Variants in MTFR1 observed in about 807,000 individuals in gnomAD.
MTFR1 encodes chondrocyte protein with a poly-proline region.
Under a neutral mutation model 38.8 loss-of-function variants are expected in MTFR1, and 28 were observed. The ratio of observed to expected loss-of-function variants is 0.72; its 90% CI spans 0.53 to 0.99. The LOEUF is 0.99. MTFR1 is among the 50% of genes least tolerant of loss of function. The pLI, the probability that MTFR1 is intolerant of heterozygous loss-of-function variation, is 0.00. For missense variants in MTFR1, 358 were observed against 395.5 expected (o/e 0.91, Z 0.81); for synonymous variants, 145 against 137.0 (o/e 1.06, Z -0.41).
intron 3 of MTFR1, among the ~76,000 whole-genome samples, chr8:65,753,944 ATCTCTTT>A (rs1379042039): frequency 6.6e-6 from 1 of 151,834 alleles, no homozygotes; most frequent in African/African-American, 2.4e-5. Context: ...GTCACCCCAG[ATCTCTTT>A]TGGTTATTAT....
intron 4 of MTFR1, among the ~76,000 whole-genome samples, chr8:65,695,500 G>A (rs1266292333): frequency 2.0e-5 from 3 of 152,118 alleles, no homozygotes; most frequent in Non-Finnish European, 4.4e-5. Context: ...GGGATTCCAG[G>A]TGGCTGCCAT....
chr8:65,726,543 A>C (rs1212201163), intron 3 of MTFR1, among the ~76,000 whole-genome samples: 1 of 152,128 alleles, frequency 6.6e-6, no homozygotes, highest in Non-Finnish European at 1.5e-5. Context: ...CCTAGACCTT[A>C]AGGTTTTATT....
intron 3 of MTFR1, among the ~76,000 whole-genome samples, chr8:65,756,499 A>T (rs931280255): frequency 1.3e-5 from 2 of 151,754 alleles, no homozygotes; most frequent in African/African-American, 4.8e-5. Context: ...AAGTTTGCTG[A>T]TCCTTACTTC....
At chr8:65,680,440 C>T (rs774858194) in intron 2 of MTFR1, among the ~76,000 whole-genome samples, 7 of 152,182 alleles carry the variant, frequency 4.6e-5, no homozygotes, top group Non-Finnish European at 2.9e-5. Context: ...ACTGAGATTA[C>T]AGATGTTAGC....
chr8:65,689,167 C>T (rs1249576062), intron 3 of MTFR1, among the ~76,000 whole-genome samples: 1 of 151,992 alleles, frequency 6.6e-6, no homozygotes, highest in Non-Finnish European at 1.5e-5. Context: ...ACAAAGAATC[C>T]GTGTATGTTA....
At chr8:65,764,824 AT>A (rs1176459883) in intron 3 of MTFR1, among the ~76,000 whole-genome samples, 5 of 152,254 alleles carry the variant, frequency 3.3e-5, no homozygotes, top group Admixed American at 3.3e-4. Flanking sequence ...ACTAAGCGAA[AT>A]TTAGGGAAAA....
chr8:65,648,670 A>T (rs1809035045), intron 1 of MTFR1, among the ~76,000 whole-genome samples: 1 of 152,232 alleles, frequency 6.6e-6, no homozygotes, highest in Non-Finnish European at 1.5e-5. Flanking sequence ...TAATTTGTAC[A>T]ACTGGAGTTG....
At chr8:65,730,714 A>G (rs1302373148) in intron 3 of MTFR1, among the ~76,000 whole-genome samples, 1 of 151,930 alleles carries the variant, frequency 6.6e-6, no homozygotes, top group Admixed American at 6.6e-5. Context: ...GATCACTTGA[A>G]GTCAGGAGTT....
At chr8:65,761,442 A>G (rs1808489781) in intron 3 of MTFR1, among the ~76,000 whole-genome samples, 1 of 152,096 alleles carries the variant, frequency 6.6e-6, no homozygotes, top group Non-Finnish European at 1.5e-5. Context: ...AACAGATTAA[A>G]CTTGCCTTTA....
chr8:65,705,411 A>G (rs1177336787), intron 5 of MTFR1, among the ~76,000 whole-genome samples: 1 of 152,204 alleles, frequency 6.6e-6, no homozygotes, highest in Admixed American at 6.5e-5. Context: ...GATGGTGTTC[A>G]TTTTGAACAA....
At chr8:65,729,193 G>C (rs1806731698) in intron 3 of MTFR1, among the ~76,000 whole-genome samples, 2 of 152,104 alleles carry the variant, frequency 1.3e-5, no homozygotes, top group South Asian at 4.1e-4. Flanking sequence ...GTGAAGGTCA[G>C]CTTTTACTTG....
chr8:65,777,011 AG>A, the MTFR1 span, among the ~76,000 whole-genome samples: 16 of 151,634 alleles, frequency 1.1e-4, no homozygotes, highest in South Asian at 3.3e-3. Context: ...AGACTGTTTA[AG>A]TTTTTCTCTG....
intron 3 of MTFR1, among the ~76,000 whole-genome samples, chr8:65,759,871 A>T (rs1269623172): frequency 1.3e-5 from 2 of 151,970 alleles, no homozygotes; most frequent in South Asian, 4.1e-4. Flanking sequence ...TTTTTTTTTT[A>T]AGAATTATTT....
chr8:65,727,407 TC>T, intron 3 of MTFR1: 2 of 1,492,340 alleles, frequency 1.3e-6, no homozygotes, highest in Non-Finnish European at 9.0e-7. Context: ...GGTAATCTCC[TC>T]CCCCTTCACG....
intron 1 of MTFR1, among the ~76,000 whole-genome samples, chr8:65,647,544 A>T (rs1475895051): frequency 6.6e-6 from 1 of 152,216 alleles, no homozygotes; most frequent in African/African-American, 2.4e-5. Flanking sequence ...TCCTGACCTC[A>T]GTTGATCCAA....
chr8:65,733,585 A>C (rs552282375), intron 3 of MTFR1, among the ~76,000 whole-genome samples: 10 of 152,080 alleles, frequency 6.6e-5, no homozygotes, highest in African/African-American at 1.9e-4. Context: ...ACGCCACTGC[A>C]CTCCAGCCTG....
rs1233754673 is a variant in MTFR1, at chr8:65,724,416, C to T, written c.*48+4935C>T. ...ACACTTGACAATAATACCAAAGAAC[C>T]AAGTGCAAGGACTGGATTAACCATA... On this transcript the variant is annotated intron_variant, in intron 3 of 3. Coordinates refer to the MTFR1 transcript ENST00000521247. The T allele has an allele frequency of 3.8e-6, 4 of 1,041,412 alleles. No homozygotes were observed. In the East Asian group the frequency reaches 9.6e-5, roughly 25 times the overall value. 64.5% of individuals were successfully genotyped at this position (1,041,412 alleles called of 1,614,324 possible).
intron 1 of MTFR1, among the ~76,000 whole-genome samples, chr8:65,652,341 T>A (rs1219672264): frequency 6.6e-6 from 1 of 152,322 alleles, no homozygotes; most frequent in African/African-American, 2.4e-5. Context: ...TCCTCCTGCC[T>A]CTGCCTCCAC....
intron 3 of MTFR1, chr8:65,724,669 G>A (rs1806535391): frequency 2.1e-6 from 2 of 938,174 alleles, no homozygotes; most frequent in Non-Finnish European, 3.2e-6. Flanking sequence ...TCTTTAGCTT[G>A]CCCTCAAGAT....
Sources: gnomAD v4.1 joint callset for allele counts (sites outside exome capture counted in the v4.1 genomes callset) on GRCh38, gnomAD v4.1.1 for gene constraint, MANE v1.5 for transcripts, NCBI Gene and HGNC (gene_info 2026-07-23, HGNC 2026-07-21) for gene names.